The following CNTN5 variants were observed in gnomAD, a reference collection of about 807,000 sequenced individuals.
CNTN5 encodes contactin 5.
Under a neutral mutation model 129.1 loss-of-function variants are expected in CNTN5, and 77 were observed. The observed-to-expected ratio is 0.60, with a 90% CI of 0.50 to 0.72. The LOEUF (loss-of-function observed/expected upper bound fraction) is 0.72, where lower values mean the gene tolerates loss of function less well. CNTN5 is among the 30% of genes least tolerant of loss of function. The probability of loss-of-function intolerance (pLI) is 0.00; values close to 1 mark genes in which losing one functional copy is unlikely to be tolerated. For synonymous variants in CNTN5, 509 were observed against 465.6 expected (o/e 1.09, Z -1.20); for missense variants, 1,478 against 1,328.8 (o/e 1.11, Z -1.75).
At chr11:99,946,191 C>T (rs1041449057) in intron 7 of CNTN5, among the ~76,000 whole-genome samples, 7 of 152,096 alleles carry the variant, frequency 4.6e-5, no homozygotes, top group African/African-American at 1.7e-4. Context: ...GTAATCCCTA[C>T]AGATATACAG....
intron 8 of CNTN5, among the ~76,000 whole-genome samples, chr11:99,958,827 C>G (rs1206978564): frequency 6.6e-6 from 1 of 152,164 alleles, no homozygotes; most frequent in Non-Finnish European, 1.5e-5. Context: ...TCCATTTTCA[C>G]TATCCATCTG....
At chr11:99,348,481 G>A (rs181365374) in intron 2 of CNTN5, among the ~76,000 whole-genome samples, 1 of 152,180 alleles carries the variant, frequency 6.6e-6, no homozygotes, top group Non-Finnish European at 1.5e-5. Context: ...GTCTGCTGAG[G>A]TTAAGTTCGG....
chr11:99,032,367 G>A (rs1863437867), intron 1 of CNTN5, among the ~76,000 whole-genome samples: 2 of 150,634 alleles, frequency 1.3e-5, no homozygotes, highest in Non-Finnish European at 1.5e-5. Flanking sequence ...GGTTGAACTA[G>A]TTTACAGTCC....
At chr11:99,993,275 G>A (rs1249775446) in intron 8 of CNTN5, among the ~76,000 whole-genome samples, 2 of 152,130 alleles carry the variant, frequency 1.3e-5, no homozygotes, top group Non-Finnish European at 2.9e-5. Flanking sequence ...AAATAGCTCT[G>A]CACATAAGGT....
intron 3 of CNTN5, among the ~76,000 whole-genome samples, chr11:99,640,679 C>T (rs1951737712): frequency 6.6e-6 from 1 of 152,184 alleles, no homozygotes; most frequent in Non-Finnish European, 1.5e-5. Flanking sequence ...CAGTAATGCA[C>T]ATGCTGTCCA....
intron 3 of CNTN5, among the ~76,000 whole-genome samples, chr11:99,750,686 G>A (rs779910962): frequency 2.6e-5 from 4 of 152,116 alleles, no homozygotes; most frequent in Non-Finnish European, 2.9e-5. Context: ...AGAGACAGAA[G>A]AATTAGAAAT....
chr11:99,034,960 G>A (rs1344578953), intron 1 of CNTN5, among the ~76,000 whole-genome samples: 4 of 150,670 alleles, frequency 2.7e-5, no homozygotes, highest in Non-Finnish European at 4.4e-5. Context: ...AGAGATTCTG[G>A]TATGTTGTGT....
intron 13 of CNTN5, among the ~76,000 whole-genome samples, chr11:100,130,023 A>AT (rs1287165611): frequency 6.6e-6 from 1 of 152,078 alleles, no homozygotes; most frequent in Non-Finnish European, 1.5e-5. Context: ...ATAAATTCTA[A>AT]TTTTTACTGA....
intron 3 of CNTN5, among the ~76,000 whole-genome samples, chr11:99,811,072 A>G (rs1003688146): frequency 6.6e-6 from 1 of 152,152 alleles, no homozygotes; most frequent in Non-Finnish European, 1.5e-5. Flanking sequence ...AGTAGGGAAT[A>G]CATGATTTAT....
chr11:100,237,689 GA>G (rs946144243), intron 16 of CNTN5, among the ~76,000 whole-genome samples: 4 of 151,348 alleles, frequency 2.6e-5, no homozygotes, highest in African/African-American at 7.3e-5. Flanking sequence ...TTAATGCCAA[GA>G]AAAAAAAGGC....
chr11:100,084,126 A>G (rs745331189), intron 13 of CNTN5, among the ~76,000 whole-genome samples: 6 of 152,084 alleles, frequency 3.9e-5, no homozygotes, highest in South Asian at 2.1e-4. Flanking sequence ...TGGTTCATTT[A>G]CCCCAGTTAC....
chr11:99,232,625 C>T (rs535038833), intron 1 of CNTN5, among the ~76,000 whole-genome samples: 1 of 152,256 alleles, frequency 6.6e-6, no homozygotes, highest in African/African-American at 2.4e-5. Flanking sequence ...TCCTGTCTTC[C>T]TATTCGAATG....
chr11:99,325,502 T>G lies in CNTN5; in HGVS notation c.-71+18T>G, dbSNP rs959685555. ...GAAAGCAGGTATGGTTCATCTTTAT[T>G]AAACTGCCTATAAAATTGAAAGACA... On this transcript the variant is annotated intron_variant, in intron 2 of 24. Transcript: ENST00000524871. 6 of 152,146 alleles carry G rather than the reference T, an allele frequency of 3.9e-5. No homozygotes were observed. Among genetic ancestry groups the G allele is most frequent in the Non-Finnish European group, 8.8e-5 (6 of 68,020 alleles). The allele number at this position is 152,146 out of a possible 1,614,324, so 9.4% of individuals were successfully genotyped here.
chr11:100,055,067 A>C (rs945456406), intron 9 of CNTN5, among the ~76,000 whole-genome samples: 2 of 148,626 alleles, frequency 1.3e-5, no homozygotes, highest in Admixed American at 1.3e-4. Context: ...ATGTATGTCC[A>C]GGAGACCAAA....
At chr11:100,231,342 TC>T (rs1949483657) in intron 16 of CNTN5, among the ~76,000 whole-genome samples, 1 of 152,126 alleles carries the variant, frequency 6.6e-6, no homozygotes, top group African/African-American at 2.4e-5. Context: ...ATAAGAAGGG[TC>T]TTATAAAAGG....
At chr11:100,351,654 T>G in intron 24 of CNTN5, among the ~76,000 whole-genome samples, 1 of 90,088 alleles carries the variant, frequency 1.1e-5, no homozygotes. Context: ...TTCGTAGAGA[T>G]AGTAAAAAAA....
At chr11:100,172,548 A>G (rs1947856156) in intron 13 of CNTN5, among the ~76,000 whole-genome samples, 1 of 152,028 alleles carries the variant, frequency 6.6e-6, no homozygotes. Flanking sequence ...ATCTGGGAAC[A>G]TTGCCTAGGT....
At chr11:99,047,748 G>A (rs916091800) in intron 1 of CNTN5, among the ~76,000 whole-genome samples, 1 of 151,940 alleles carries the variant, frequency 6.6e-6, no homozygotes, top group Admixed American at 6.6e-5. Flanking sequence ...ATGATAGCAC[G>A]GACTGACATT....
At chr11:100,227,535 T>C (rs1213190783) in intron 16 of CNTN5, among the ~76,000 whole-genome samples, 4 of 152,184 alleles carry the variant, frequency 2.6e-5, no homozygotes, top group Non-Finnish European at 5.9e-5. Context: ...TATTCCACCA[T>C]GATCACCTTT....
Sources: gnomAD v4.1 joint callset for allele counts (sites outside exome capture counted in the v4.1 genomes callset) on GRCh38, gnomAD v4.1.1 for gene constraint, MANE v1.5 for transcripts, NCBI Gene and HGNC (gene_info 2026-07-23, HGNC 2026-07-21) for gene names.